The following UBE2U variants were observed in gnomAD, a reference collection of about 807,000 sequenced individuals.
UBE2U encodes ubiquitin conjugating enzyme E2 U.
Under a neutral mutation model 41.2 loss-of-function variants are expected in UBE2U, and 39 were observed. The ratio of observed to expected loss-of-function variants is 0.95; its 90% CI spans 0.73 to 1.24. The LOEUF (loss-of-function observed/expected upper bound fraction) is 1.24. Among genes scored for constraint, UBE2U ranks in the 50% most tolerant of loss-of-function variants. The pLI, the probability that UBE2U is intolerant of heterozygous loss-of-function variation, is 0.00. For synonymous variants in UBE2U, 107 were observed against 117.8 expected (o/e 0.91, Z 0.60); for missense variants, 336 against 363.1 (o/e 0.93, Z 0.61).
chr1:64,256,032 A>G (rs1645085266), intron 8 of UBE2U, among the ~76,000 whole-genome samples: 1 of 152,196 alleles, frequency 6.6e-6, no homozygotes, highest in Admixed American at 6.5e-5. Context: ...ATTGCTACAA[A>G]AAGAATAAAA....
At chr1:64,212,166 A>G (rs1389710964) in intron 4 of UBE2U, among the ~76,000 whole-genome samples, 2 of 152,144 alleles carry the variant, frequency 1.3e-5, no homozygotes, top group East Asian at 1.9e-4. Flanking sequence ...CATTTGAGCA[A>G]AAAATTTAAG....
rs2100225075 is a variant in UBE2U at position 64,203,958 on chromosome 1, T to G, written c.-93T>G. The G allele has an allele frequency of 9.1e-7, 1 of 1,095,792 alleles. No individual in the cohort carries two copies. Among genetic ancestry groups the G allele is most frequent in the South Asian group, 1.5e-5 (1 of 65,882 alleles). The allele number at this position is 1,095,792 out of a possible 1,614,324, so 67.9% of individuals were successfully genotyped here. ...AAGCAAGTAACTTATATCAGTTTAC[T>G]AAGTGTGGGAAAGTGACCCATAACT... On this transcript the variant is annotated 5_prime_UTR_variant, in exon 1 of 10. Coordinates refer to ENST00000371077, the MANE Select transcript of UBE2U (RefSeq NM_001366232.2).
intron 7 of UBE2U, among the ~76,000 whole-genome samples, chr1:64,238,137 G>T (rs1003431776): frequency 7.2e-5 from 11 of 152,172 alleles, no homozygotes; most frequent in Admixed American, 2.6e-4. Flanking sequence ...GACACAGCGG[G>T]CTTACACTTG....
At chr1:64,258,892 GC>G (rs1278779193) in intron 8 of UBE2U, among the ~76,000 whole-genome samples, 1 of 152,098 alleles carries the variant, frequency 6.6e-6, no homozygotes, top group Non-Finnish European at 1.5e-5. Flanking sequence ...TTGAGGAATC[GC>G]CACACTGTCT....
At chr1:64,251,646 CAGTG>C (rs913422943) in intron 8 of UBE2U, among the ~76,000 whole-genome samples, 2 of 152,124 alleles carry the variant, frequency 1.3e-5, no homozygotes, top group African/African-American at 4.8e-5. Context: ...ACAAGGGAGG[CAGTG>C]AGTGAGTGTG....
intron 4 of UBE2U, among the ~76,000 whole-genome samples, chr1:64,214,482 G>T (rs1651856199): frequency 6.6e-6 from 1 of 151,980 alleles, no homozygotes; most frequent in African/African-American, 2.4e-5. Context: ...AAAATATTTT[G>T]AATTTTAAAT....
At chr1:64,217,758 T>C (rs533208175) in intron 5 of UBE2U, among the ~76,000 whole-genome samples, 6 of 152,178 alleles carry the variant, frequency 3.9e-5, no homozygotes, top group Non-Finnish European at 7.4e-5. Context: ...TAAGCTATAA[T>C]TGACATTGAG....
chr1:64,221,367 C>CCT (rs1652450939), intron 6 of UBE2U, among the ~76,000 whole-genome samples: 1 of 152,210 alleles, frequency 6.6e-6, no homozygotes, highest in Non-Finnish European at 1.5e-5. Context: ...CCCGCCTCGG[C>CCT]CTCCCAAAGT....
At chr1:64,214,383 T>C (rs1443420592) in intron 4 of UBE2U, among the ~76,000 whole-genome samples, 1 of 152,212 alleles carries the variant, frequency 6.6e-6, no homozygotes, top group Non-Finnish European at 1.5e-5. Context: ...GAGACCATAA[T>C]GACTAACTAC....
intron 7 of UBE2U, among the ~76,000 whole-genome samples, chr1:64,240,118 G>A (rs1644810224): frequency 6.6e-6 from 1 of 152,192 alleles, no homozygotes; most frequent in African/African-American, 2.4e-5. Flanking sequence ...TTAAGAGCCA[G>A]TGGTGATGTA....
At chr1:64,265,868 A>G (rs1645247673) in intron 9 of UBE2U, among the ~76,000 whole-genome samples, 2 of 152,226 alleles carry the variant, frequency 1.3e-5, no homozygotes. Flanking sequence ...GTAAGCCACC[A>G]TGCCCGGTCT....
intron 7 of UBE2U, among the ~76,000 whole-genome samples, chr1:64,239,101 AG>A (rs1276346730): frequency 1.3e-4 from 1 of 7,644 alleles, no homozygotes; most frequent in African/African-American, 9.0e-4. Context: ...AGGAAGAAGA[AG>A]AAGAAGAAGA....
At chr1:64,204,961 C>G (rs991827205) in intron 1 of UBE2U, among the ~76,000 whole-genome samples, 1 of 152,226 alleles carries the variant, frequency 6.6e-6, no homozygotes, top group South Asian at 2.1e-4. Flanking sequence ...ATCCTGAGCT[C>G]TGTAGTTCTC....
chr1:64,229,364 T>C (rs1168085141), intron 6 of UBE2U, among the ~76,000 whole-genome samples: 2 of 152,166 alleles, frequency 1.3e-5, no homozygotes, highest in East Asian at 1.9e-4. Context: ...GAGGTACTTA[T>C]CAAGGCAATG....
chr1:64,218,391 G>T (rs528597153), intron 5 of UBE2U, among the ~76,000 whole-genome samples: 6 of 152,238 alleles, frequency 3.9e-5, no homozygotes, highest in Non-Finnish European at 5.9e-5. Context: ...AAGTTTCTAA[G>T]TTGCTAGTTT....
Position 64,232,601 on chromosome 1 carries a change from T to A in UBE2U, c.547T>A (p.Trp183Arg), listed in dbSNP as rs1644588604. 3 of 1,613,614 alleles carry A rather than the reference T, an allele frequency of 1.9e-6. No individual in the cohort carries two copies. Among genetic ancestry groups the A allele is most frequent in the Non-Finnish European group, 2.5e-6 (3 of 1,179,758 alleles). ...CTCATTTAGTGATTACTACCAGACA[T>A]GGTCCAGAATAGCTACATCAAAAGC... ...TTSFSDYYQT[W>R]SRIATSKATE... is the part of the protein sequence containing the mutation. Residue 183 changes from tryptophan to arginine, a missense_variant, in exon 7 of 10, where the codon TGG (tryptophan) becomes AGG (arginine). Physicochemically the swap from Trp to Arg is moderately radical, Grantham distance 101 (BLOSUM62 -3). Transcript: ENST00000371077.
At chr1:64,248,742 G>A (rs1644961182) in intron 8 of UBE2U, among the ~76,000 whole-genome samples, 1 of 152,086 alleles carries the variant, frequency 6.6e-6, no homozygotes, top group Admixed American at 6.5e-5. Context: ...ACAAAGATTT[G>A]TCAATAGGGA....
chr1:64,247,458 G>A (rs1054572678), intron 8 of UBE2U, among the ~76,000 whole-genome samples: 1 of 152,132 alleles, frequency 6.6e-6, no homozygotes, highest in Non-Finnish European at 1.5e-5. Context: ...TTGGGTCATG[G>A]GGGCAGATCC....
Position 64,241,691 on chromosome 1 carries a change from G to A in UBE2U, c.635G>A (p.Trp212Ter). Residue 212 changes from tryptophan to a stop codon, truncating the protein, a stop_gained, in exon 8 of 10, where the codon TGG (tryptophan) becomes TAG (stop). Transcript: ENST00000371077. LOFTEE classifies it high-confidence loss of function. ...VPNFIGQYYK[W>*]KKMDLQHQKE... ...AATTTCATTGGACAGTATTACAAAT[G>A]GAAGAAAATGGATCTACAGCATCAG... The A allele has an allele frequency of 6.2e-7, 1 of 1,608,752 alleles. No individual in the cohort carries two copies. Among genetic ancestry groups the A allele is most frequent in the Non-Finnish European group, 8.5e-7 (1 of 1,177,758 alleles).
Sources: gnomAD v4.1 joint callset for allele counts (sites outside exome capture counted in the v4.1 genomes callset) on GRCh38, gnomAD v4.1.1 for gene constraint, MANE v1.5 for transcripts, NCBI Gene and HGNC (gene_info 2026-07-23, HGNC 2026-07-21) for gene names.